Variants in LMO3 observed in about 807,000 individuals in gnomAD.
LMO3 encodes the protein LIM domain only protein 3.
LMO3 carries 2 observed loss-of-function variants against 15.8 expected under a neutral mutation model. The ratio of observed to expected loss-of-function variants is 0.13; its 90% CI spans 0.05 to 0.40. The LOEUF (loss-of-function observed/expected upper bound fraction) is 0.40. LMO3 is among the 10% of genes least tolerant of loss of function. The pLI, the probability that LMO3 is intolerant of heterozygous loss-of-function variation, is 0.99. For missense variants in LMO3, 86 were observed against 182.2 expected, an observed-to-expected ratio of 0.47 and a Z score of 3.04; for synonymous variants, 62 against 63.8, an observed-to-expected ratio of 0.97 and a Z score of 0.13.
chr12:16,563,210 A>G (rs1366191987), intron 2 of LMO3, among the ~76,000 whole-genome samples: 2 of 152,128 alleles, frequency 1.3e-5, no homozygotes, highest in Non-Finnish European at 2.9e-5. Flanking sequence ...AGATGCGGAA[A>G]TCTGATCTAA....
intron 2 of LMO3, among the ~76,000 whole-genome samples, chr12:16,561,375 C>T (rs1942399170): frequency 6.6e-6 from 1 of 151,918 alleles, no homozygotes; most frequent in Non-Finnish European, 1.5e-5. Context: ...AATAATATTC[C>T]ATGCATAGTA....
rs1943009804 is a variant in LMO3, at chr12:16,576,837, A to G, written c.207-16299T>C. 1.3e-5 allele frequency among the ~76,000 whole-genome samples: 2 copies of G among 152,234 alleles called. No individual in the cohort carries two copies. Among genetic ancestry groups the G allele is most frequent in the African/African-American group, 4.8e-5 (2 of 41,472 alleles). ...TTTAAATTCAGTGTACAATGGACAT[A>G]AGACCTGTAGGTGGAAGTCAAAAAT... On this transcript the variant is annotated intron_variant, in intron 2 of 3. Coordinates refer to ENST00000537304, the MANE Select transcript of LMO3 (RefSeq NM_018640.5). The surrounding 1 kb of genome is among the most constrained non-coding windows in gnomAD (Gnocchi z 4.1).
chr12:16,597,346 TAC>T lies in LMO3; in HGVS notation c.206+3307_206+3308del, dbSNP rs1281780532. On this transcript the variant is annotated intron_variant, in intron 2 of 3. Transcript: ENST00000537304. The surrounding 1 kb of genome is among the most constrained non-coding windows in gnomAD (Gnocchi z 5.0). ...TTCTATAACCCTTAAGAAAATATCT[TAC>T]AGTCTAAATTATTATATTTTCATAT... Among the ~76,000 whole-genome samples the T allele has an allele frequency of 6.6e-6, 1 of 151,804 alleles. No homozygotes were observed. The highest frequency in any genetic ancestry group is 6.6e-5 in the Admixed American group (1 of 15,204).
intron 2 of LMO3, among the ~76,000 whole-genome samples, chr12:16,571,181 G>A (rs1942801843): frequency 6.6e-6 from 1 of 151,960 alleles, no homozygotes; most frequent in South Asian, 2.1e-4. Context: ...GTCACCTATT[G>A]TATAAGTTAA....
chr12:16,562,489 G>A (rs1164537127), intron 2 of LMO3, among the ~76,000 whole-genome samples: 2 of 152,112 alleles, frequency 1.3e-5, no homozygotes, highest in Non-Finnish European at 2.9e-5. Flanking sequence ...CATTTCAATT[G>A]CTCTCGCTAG....
intron 2 of LMO3, 171 bp downstream of exon 2, chr12:16,600,484 A>C: frequency 1.6e-6 from 1 of 610,942 alleles, no homozygotes; most frequent in East Asian, 2.8e-5. Flanking sequence ...GCTATTCCTT[A>C]AGCATTAATT....
chr12:16,572,224 G>T (rs1046649590), intron 2 of LMO3, among the ~76,000 whole-genome samples: 7 of 151,448 alleles, frequency 4.6e-5, no homozygotes, highest in Non-Finnish European at 8.9e-5. Context: ...GTACTTTTAC[G>T]TAGTAAAGCT....
rs117431576 is a variant in LMO3 at position 16,566,845 on chromosome 12, C to T, written c.207-6307G>A. Among the ~76,000 whole-genome samples, 946 of 152,204 alleles carry T rather than the reference C, an allele frequency of 6.2e-3. 10 individuals are homozygous for T. The highest frequency in any genetic ancestry group is 0.03 in the South Asian group (143 of 4,822). ...ACACACATAATAGGCAGATACTACACTGAATGAAAAGGAAAGAGAAGAAGA... is the reference window on the plus strand; with the variant it reads ...ACACACATAATAGGCAGATACTACATTGAATGAAAAGGAAAGAGAAGAAGA... On this transcript the variant is annotated intron_variant, in intron 2 of 3. Coordinates refer to ENST00000537304, the MANE Select transcript of LMO3 (RefSeq NM_018640.5).
chr12:16,555,792 C>T lies in LMO3; in HGVS notation c.333-4465G>A, dbSNP rs528493775. Among the ~76,000 whole-genome samples, 71 of 152,224 alleles carry T rather than the reference C, an allele frequency of 4.7e-4. No individual in the cohort carries two copies. Among genetic ancestry groups the T allele is most frequent in the African/African-American group, 1.6e-3 (68 of 41,550 alleles). ...ATGCCTTTGCACGTTGCTCAATTTGCCTGAAAATTCCTTTCCTCACTGCTC... is the reference window on the plus strand; with the variant it reads ...ATGCCTTTGCACGTTGCTCAATTTGTCTGAAAATTCCTTTCCTCACTGCTC... On this transcript the variant is annotated intron_variant, in intron 3 of 3. Transcript: ENST00000537304. This position sits in a 1 kb window ranked among gnomAD's most constrained non-coding sequence, Gnocchi z 5.5.
At chr12:16,579,179 A>G (rs1167961385) in intron 2 of LMO3, among the ~76,000 whole-genome samples, 1 of 152,154 alleles carries the variant, frequency 6.6e-6, no homozygotes, top group Non-Finnish European at 1.5e-5. Flanking sequence ...AATTGTATAT[A>G]TATATTCCCT....
At chr12:16,569,073 C>A (rs1044423565) in intron 2 of LMO3, among the ~76,000 whole-genome samples, 2 of 152,112 alleles carry the variant, frequency 1.3e-5, no homozygotes, top group African/African-American at 2.4e-5. Flanking sequence ...AGTGTTAATT[C>A]CTTTCTAAAC....
Position 16,604,607 on chromosome 12 carries a change from C to A in LMO3, c.-9+1459G>T. On this transcript the variant is annotated intron_variant, in intron 1 of 3. Coordinates refer to ENST00000537304, the MANE Select transcript of LMO3 (RefSeq NM_018640.5). This position sits in a 1 kb window ranked among gnomAD's most constrained non-coding sequence, Gnocchi z 5.3. ...ACATACATACACTCTAACAAAGAAT[C>A]CCTTGCGGAGTTTATGCTCCAGCCT... 1 of 532,594 alleles carries A rather than the reference C, an allele frequency of 1.9e-6. No homozygotes were observed. Among genetic ancestry groups the A allele is most frequent in the African/African-American group, 1.9e-5 (1 of 52,844 alleles). 33.0% of individuals were successfully genotyped at this position (532,594 alleles called of 1,614,324 possible).
In LMO3 at chr12:16,604,854, TG is replaced by T; in HGVS notation, c.-9+1211del. On this transcript the variant is annotated intron_variant, in intron 1 of 3. Coordinates refer to ENST00000537304, the MANE Select transcript of LMO3 (RefSeq NM_018640.5). The surrounding 1 kb of genome is among the most constrained non-coding windows in gnomAD (Gnocchi z 5.3). ...CCAGCAAAGTGCATCTATGATAGACTGTAACCTTACCAAAACTTTTCTCCTT... is the reference window on the plus strand; with the variant it reads ...CCAGCAAAGTGCATCTATGATAGACTTAACCTTACCAAAACTTTTCTCCTT... The T allele has an allele frequency of 2.5e-6, 4 of 1,598,448 alleles. No homozygotes were observed. The highest frequency in any genetic ancestry group is 3.4e-6 in the Non-Finnish European group (4 of 1,179,786).
At position 16,593,986 on chromosome 12, in the gene LMO3, G is replaced by A. The variant is rs998634122; in HGVS notation, c.206+6669C>T. On this transcript the variant is annotated intron_variant, in intron 2 of 3. Coordinates refer to ENST00000537304, the MANE Select transcript of LMO3 (RefSeq NM_018640.5). The surrounding 1 kb of genome is among the most constrained non-coding windows in gnomAD (Gnocchi z 4.2). ...AGAATTAGATATTTAAAATCACAAG[G>A]AAATAAATTTAGGCATTCTGTAGTT... 2 of 640,448 alleles carry A rather than the reference G, an allele frequency of 3.1e-6. No homozygotes were observed. The highest frequency in any genetic ancestry group is 3.6e-5 in the African/African-American group (2 of 54,846). The allele number at this position is 640,448 out of a possible 1,614,324, so 39.7% of individuals were successfully genotyped here.
At chr12:16,551,486 C>T (rs1197033652) in intron 3 of LMO3, among the ~76,000 whole-genome samples, 159 bp from the exon 4 acceptor site, 1 of 151,928 alleles carries the variant, frequency 6.6e-6, no homozygotes, top group Non-Finnish European at 1.5e-5. Context: ...AGACCATTTA[C>T]CATTTACTTC....
intron 2 of LMO3, chr12:16,573,958 T>A (rs1942910469): frequency 6.6e-6 from 1 of 152,138 alleles, no homozygotes; most frequent in South Asian, 2.1e-4. Context: ...AAGAAAGGAA[T>A]GTATTACGGA....
In LMO3 at chr12:16,593,655, T is replaced by C. The variant is rs1039480543; in HGVS notation, c.206+7000A>G. ...GGCTGATGTAGTTAGTTTGTGAAGA[T>C]AGAAAACGTTTGGCTTCTATAATAA... On this transcript the variant is annotated intron_variant, in intron 2 of 3. Transcript: ENST00000537304. This position sits in a 1 kb window ranked among gnomAD's most constrained non-coding sequence, Gnocchi z 4.2. Among the ~76,000 whole-genome samples, 2 of 151,818 alleles carry C rather than the reference T, an allele frequency of 1.3e-5. No homozygotes were observed. Among genetic ancestry groups the C allele is most frequent in the African/African-American group, 2.4e-5 (1 of 41,418 alleles).
rs539072182 is a variant in LMO3, at chr12:16,585,337, A to G, written c.206+15318T>C. Among the ~76,000 whole-genome samples, 3 of 152,324 alleles carry G rather than the reference A, an allele frequency of 2.0e-5. No homozygotes were observed. Among genetic ancestry groups the G allele is most frequent in the African/African-American group, 7.2e-5 (3 of 41,586 alleles). On this transcript the variant is annotated intron_variant, in intron 2 of 3. Coordinates refer to ENST00000537304, the MANE Select transcript of LMO3 (RefSeq NM_018640.5). This position sits in a 1 kb window ranked among gnomAD's most constrained non-coding sequence, Gnocchi z 4.7. The stretch of plus-strand genomic sequence containing the variant: ...AAAAAGGATTTGCATATTTGTGTAT[A>G]TATTTTTAAAAAGTGGATTAACTTT...
At position 16,569,219 on chromosome 12, in the gene LMO3, A is replaced by C. The variant is rs533156746; in HGVS notation, c.207-8681T>G. Among the ~76,000 whole-genome samples the C allele has an allele frequency of 1.2e-4, 18 of 152,346 alleles. No homozygotes were observed. The East Asian group carries it at 3.5e-3, about 29-fold the overall frequency. On this transcript the variant is annotated intron_variant, in intron 2 of 3. Transcript: ENST00000537304. ...CCCATGTCTACACACAAAACCTTACACAATTATTTAGTGTCAGAGCTAGCA... is the reference window on the plus strand; with the variant it reads ...CCCATGTCTACACACAAAACCTTACCCAATTATTTAGTGTCAGAGCTAGCA...
Sources: allele counts gnomAD v4.1 joint callset (sites outside exome capture counted in the v4.1 genomes callset), GRCh38; gene constraint gnomAD v4.1.1; non-coding constraint Gnocchi (gnomAD v3.1); transcripts MANE v1.5; gene names NCBI Gene and HGNC (gene_info 2026-07-23, HGNC 2026-07-21).